The following PRSS53 variants were observed in gnomAD, a reference collection of about 807,000 sequenced individuals.
PRSS53 encodes the protein EDTP308.
Under a neutral mutation model 62.7 loss-of-function variants are expected in PRSS53, and 54 were observed. The observed-to-expected ratio is 0.86, with a 90% CI of 0.69 to 1.08. The LOEUF (loss-of-function observed/expected upper bound fraction) is 1.08. Among genes scored for constraint, PRSS53 ranks in the 50% least tolerant of loss-of-function variants. The pLI, the probability that PRSS53 is intolerant of heterozygous loss-of-function variation, is 0.00. For missense variants in PRSS53, 688 were observed against 728.3 expected, an observed-to-expected ratio of 0.94 and a Z score of 0.64; for synonymous variants, 273 against 300.0, an observed-to-expected ratio of 0.91 and a Z score of 0.93.
exon 6 of PRSS53, chr16:31,086,154 G>C (rs750196393): frequency 6.2e-7 from 1 of 1,612,300 alleles, no homozygotes; most frequent in Non-Finnish European, 8.5e-7. Flanking sequence ...CGTCAGGCTC[G>C]AGGCACAGCA....
At chr16:31,083,731 G>A in exon 11 of PRSS53, 1 of 1,613,636 alleles carries the variant, frequency 6.2e-7, no homozygotes, top group South Asian at 1.1e-5. Context: ...GGAGGACAGG[G>A]GCAGTAATGC....
At position 31,084,557 on chromosome 16, in the gene PRSS53, C is replaced by T. The variant is rs1325950944; in HGVS notation, c.1425+1G>A. On this transcript the variant is annotated splice_donor_variant, in intron 9 of 10. Transcript: ENST00000280606. LOFTEE classifies it high-confidence loss of function. ...GTAAGGTGTGGGGGCCTGGGGCTCA[C>T]CTCACAGCTGGGCAGCTCACCCACA... 1 of 1,602,904 alleles carries T rather than the reference C, an allele frequency of 6.2e-7. No homozygotes were observed. Among genetic ancestry groups the T allele is most frequent in the East Asian group, 2.2e-5 (1 of 44,492 alleles).
In PRSS53 at chr16:31,085,104, ACT is replaced by A; in HGVS notation, c.1034+4_1034+5del. 9.9e-6 allele frequency: 16 copies of A among 1,612,906 alleles called. No homozygotes were observed. Among genetic ancestry groups the A allele is most frequent in the Non-Finnish European group, 1.4e-5 (16 of 1,179,660 alleles). ...GGGGCACAGCAGAGAGGGATCCAAG[ACT>A]CACCCAATGAAGCAGTGGGCAGCAG... On this transcript the variant is annotated splice_donor_5th_base_variant and intron_variant, in intron 7 of 10. Coordinates refer to ENST00000280606, the Ensembl canonical transcript of PRSS53.
At chr16:31,087,004 T>G in intron 3 of PRSS53, 106 bp from the exon 4 acceptor site, 1 of 1,247,980 alleles carries the variant, frequency 8.0e-7, no homozygotes. Context: ...ACTCCACGGC[T>G]TTTTCTTTTT....
chr16:31,087,926 C>T, intron 1 of PRSS53, 100 bp from the exon 2 acceptor site: 1 of 1,565,590 alleles, frequency 6.4e-7, no homozygotes, highest in South Asian at 1.2e-5. Context: ...GGGTCCTTGC[C>T]TGTGACTCTG....
chr16:31,086,157 G>T lies in PRSS53; in HGVS notation c.690C>A (p.Cys230Ter). ...GAACCCAGTGTCCGTCAGGCTCGAGGCACAGCACAGGGCCCCCGGAATCTC... is the reference window on the plus strand; with the variant it reads ...GAACCCAGTGTCCGTCAGGCTCGAGTCACAGCACAGGGCCCCCGGAATCTC... Residue 230 changes from cysteine to a stop codon, truncating the protein, a stop_gained, in exon 6 of 11, where the codon TGC becomes TGA. Transcript: ENST00000280606. LOFTEE classifies it high-confidence loss of function. The T allele has an allele frequency of 6.2e-7, 1 of 1,612,138 alleles. No individual in the cohort carries two copies. Among genetic ancestry groups the T allele is most frequent in the South Asian group, 1.1e-5 (1 of 91,030 alleles).
In PRSS53 at chr16:31,085,043, G is replaced by C. The variant is rs1168066595; in HGVS notation, c.1035-19C>G. ...CTGGCGCCTGTGCAGAGGCAGTGTG[G>C]ACGGCACCAGGTGACAGGGCTGCCG... On this transcript the variant is annotated intron_variant, in intron 7 of 10. Coordinates refer to ENST00000280606, the Ensembl canonical transcript of PRSS53. 1 of 1,608,324 alleles carries C rather than the reference G, an allele frequency of 6.2e-7. No individual in the cohort carries two copies. The highest frequency in any genetic ancestry group is 1.7e-5 in the Admixed American group (1 of 59,440).
In PRSS53 at chr16:31,087,675, G is replaced by C. The variant is rs763979027; in HGVS notation, c.104C>G (p.Pro35Arg). 5.0e-6 allele frequency: 8 copies of C among 1,612,060 alleles called. No individual in the cohort carries two copies. In the Admixed American group the frequency reaches 1.3e-4, roughly 27 times the overall value. Reference sequence around the variant, plus strand: ...TGTGTTGCCCTCCTGAGGCTTGGGGGGGCCGGGGCCACGCTGTCCACAGGC... The same window carrying C: ...TGTGTTGCCCTCCTGAGGCTTGGGGCGGCCGGGGCCACGCTGTCCACAGGC... The change falls in exon 3 of 11, where the codon CCC becomes CGC. Residue 35 changes from proline to arginine, a missense_variant. Physicochemically the swap from Pro to Arg is moderately radical, Grantham distance 103. Transcript: ENST00000280606.
intron 3 of PRSS53, 29 bp downstream of exon 3, chr16:31,087,508 G>C: frequency 6.3e-7 from 1 of 1,577,088 alleles, no homozygotes; most frequent in Non-Finnish European, 8.7e-7. Flanking sequence ...CAGAGCCGGA[G>C]ACCCTGCCTG....
intron 3 of PRSS53, 83 bp downstream of exon 3, chr16:31,087,454 G>T: frequency 1.0e-6 from 1 of 985,076 alleles, no homozygotes; most frequent in Non-Finnish European, 1.5e-6. Flanking sequence ...TACTCTAGAG[G>T]CAGGGACTAG....
chr16:31,084,547 C>G lies in PRSS53; in HGVS notation c.1425+11G>C, dbSNP rs1319509490. 3.7e-6 allele frequency: 6 copies of G among 1,600,044 alleles called. No homozygotes were observed. In the South Asian group the frequency reaches 5.6e-5, roughly 15 times the overall value. On this transcript the variant is annotated intron_variant, in intron 9 of 10. Coordinates refer to ENST00000280606, the Ensembl canonical transcript of PRSS53. Reference sequence around the variant, plus strand: ...GGCCTGTTAGGTAAGGTGTGGGGGCCTGGGGCTCACCTCACAGCTGGGCAG... The same window carrying G: ...GGCCTGTTAGGTAAGGTGTGGGGGCGTGGGGCTCACCTCACAGCTGGGCAG...
At chr16:31,088,643 AC>A in intron 1 of PRSS53, 108 bp downstream of exon 1, 1 of 1,572,328 alleles carries the variant, frequency 6.4e-7, no homozygotes, top group Non-Finnish European at 8.6e-7. Flanking sequence ...CCACTGGTGG[AC>A]TGTCGCCCAC....
chr16:31,087,967 ATATT>A, intron 1 of PRSS53, 141 bp from the exon 2 acceptor site: 2 of 1,540,280 alleles, frequency 1.3e-6, no homozygotes, highest in Non-Finnish European at 1.7e-6. Context: ...CAGAATGAAA[ATATT>A]TATATGAGGC....
chr16:31,088,882 T>C, exon 1 of PRSS53: 1 of 1,595,826 alleles, frequency 6.3e-7, no homozygotes, highest in Non-Finnish European at 8.5e-7. Context: ...GCTCCACCTC[T>C]GCTCCACCTC....
intron 3 of PRSS53, 34 bp downstream of exon 3, chr16:31,087,503 C>G (rs2057246259): frequency 6.4e-7 from 1 of 1,560,486 alleles, no homozygotes; most frequent in South Asian, 1.1e-5. Flanking sequence ...CTCCCCAGAG[C>G]CGGAGACCCT....
At chr16:31,087,372 G>A in intron 3 of PRSS53, 165 bp downstream of exon 3, 1 of 623,230 alleles carries the variant, frequency 1.6e-6, no homozygotes, top group Non-Finnish European at 2.9e-6. Flanking sequence ...ACCATGAAAG[G>A]TGGTTGTTAC....
rs1183000491 is a variant in PRSS53, at chr16:31,084,345, G to A, written c.1426-10C>T. ...GTGCCCCAGACAGGCCCTGTCAGGG[G>A]TCAGGTGACACTGGGTGACTTTTTA... On this transcript the variant is annotated splice_polypyrimidine_tract_variant and intron_variant, in intron 9 of 10. Transcript: ENST00000280606. 1 of 1,608,026 alleles carries A rather than the reference G, an allele frequency of 6.2e-7. No individual in the cohort carries two copies. Among genetic ancestry groups the A allele is most frequent in the African/African-American group, 1.3e-5 (1 of 74,920 alleles).
chr16:31,084,118 C>G lies in PRSS53; in HGVS notation c.1642+1G>C. ...TGGCAGGAGGCCCCGGGGCCACATA[C>G]TTATGTTGGCCAGGCAGCTTCCAGG... On this transcript the variant is annotated splice_donor_variant, in intron 10 of 10. Transcript: ENST00000280606. LOFTEE classifies it high-confidence loss of function. 6.4e-7 allele frequency: 1 copy of G among 1,572,452 alleles called. No homozygotes were observed. Among genetic ancestry groups the G allele is most frequent in the Middle Eastern group, 1.7e-4 (1 of 5,780 alleles).
exon 4 of PRSS53, chr16:31,086,731 G>A: frequency 6.3e-7 from 1 of 1,594,474 alleles, no homozygotes; most frequent in Non-Finnish European, 8.6e-7. Context: ...GTGGGTCGTG[G>A]GGTGGGCGAG....
Sources: gnomAD v4.1 joint callset for allele counts on GRCh38, gnomAD v4.1.1 for gene constraint, MANE v1.5 for transcripts, NCBI Gene and HGNC (gene_info 2026-07-23, HGNC 2026-07-21) for gene names.